The following RGS16 variants were observed in gnomAD, a reference collection of about 807,000 sequenced individuals.
The protein encoded by RGS16 is regulator of G protein signaling 16.
In RGS16, 12 loss-of-function variants were observed where a neutral mutation model predicts 18.1. The observed-to-expected ratio is 0.66, with a 90% CI of 0.42 to 1.07. RGS16 has a LOEUF of 1.07. Among genes scored for constraint, RGS16 ranks in the 50% least tolerant of loss-of-function variants. The pLI, the probability that RGS16 is intolerant of heterozygous loss-of-function variation, is 0.00. For missense variants in RGS16, 238 were observed against 249.2 expected (o/e 0.95, Z 0.30); for synonymous variants, 88 against 102.0 (o/e 0.86, Z 0.83).
chr1:182,601,787 C>T, intron 4 of RGS16, 179 bp downstream of exon 4: 2 of 710,814 alleles, frequency 2.8e-6, no homozygotes, highest in South Asian at 3.5e-5. Context: ...GGTTAAGCAC[C>T]CAGGAGTGGC....
chr1:182,601,816 A>T, intron 4 of RGS16, 150 bp downstream of exon 4: 1 of 903,152 alleles, frequency 1.1e-6, no homozygotes, highest in Non-Finnish European at 1.7e-6. Context: ...TGGCTTTCCT[A>T]GTCTCTGGTC....
chr1:182,600,613 G>C, intron 4 of RGS16, 100 bp from the exon 5 acceptor site: 1 of 934,730 alleles, frequency 1.1e-6, no homozygotes, highest in Non-Finnish European at 1.7e-6. Flanking sequence ...AGCATCGGAT[G>C]CTGCATCAGG....
At position 182,599,443 on chromosome 1, in the gene RGS16, C is replaced by T. The variant is rs973062085; in HGVS notation, c.*849G>A. On this transcript the variant is annotated 3_prime_UTR_variant, in exon 5 of 5. Coordinates refer to ENST00000367558, the MANE Select transcript of RGS16 (RefSeq NM_002928.4). ...GCCTCCACACTTTGTTCTCCTGGGC[C>T]CTGCCTCCAAGAGACAGCACAGAAC... The T allele has an allele frequency of 1.3e-5, 2 of 152,422 alleles. No homozygotes were observed. The highest frequency in any genetic ancestry group is 2.4e-5 in the African/African-American group (1 of 41,442). The allele number at this position is 152,422 out of a possible 1,614,324, so 9.4% of individuals were successfully genotyped here.
rs750841078 is a variant in RGS16, at chr1:182,598,930, G to C, written c.*1362C>G. On this transcript the variant is annotated 3_prime_UTR_variant, in exon 5 of 5. Coordinates refer to ENST00000367558, the MANE Select transcript of RGS16 (RefSeq NM_002928.4). ...CAAAAACAATGTTATGACAATCACAGAAAACCAATGATACAATACACTTAA... is the reference window on the plus strand; with the variant it reads ...CAAAAACAATGTTATGACAATCACACAAAACCAATGATACAATACACTTAA... 2.6e-5 allele frequency: 4 copies of C among 152,592 alleles called. No individual in the cohort carries two copies. Among genetic ancestry groups the C allele is most frequent in the African/African-American group, 9.6e-5 (4 of 41,454 alleles). The allele number at this position is 152,592 out of a possible 1,614,324, so 9.5% of individuals were successfully genotyped here.
chr1:182,602,249 C>T, intron 3 of RGS16, 117 bp from the exon 4 acceptor site: 1 of 1,238,584 alleles, frequency 8.1e-7, no homozygotes, highest in Non-Finnish European at 1.2e-6. Context: ...TTTTCTTGAA[C>T]AATGACCTGC....
At position 182,599,160 on chromosome 1, in the gene RGS16, C is replaced by G. The variant is rs1045385165; in HGVS notation, c.*1132G>C. On this transcript the variant is annotated 3_prime_UTR_variant, in exon 5 of 5. Transcript: ENST00000367558. ...TGCCCTTCGAAGCAGCCTCTCCCCC[C>G]AGCTTCTGCACTCTAAGGGTGCCAT... 1.3e-5 allele frequency: 2 copies of G among 152,448 alleles called. No homozygotes were observed. The highest frequency in any genetic ancestry group is 2.4e-5 in the African/African-American group (1 of 41,458). 9.4% of individuals were successfully genotyped at this position (152,448 alleles called of 1,614,324 possible).
intron 4 of RGS16, among the ~76,000 whole-genome samples, chr1:182,600,928 C>T (rs1215314538): frequency 6.6e-6 from 1 of 152,196 alleles, no homozygotes; most frequent in Non-Finnish European, 1.5e-5. Flanking sequence ...TTGGTAGCTC[C>T]TCTGTTGTCT....
Position 182,602,307 on chromosome 1 carries a change from AT to A in RGS16, c.220+112del. On this transcript the variant is annotated intron_variant, in intron 3 of 4. Transcript: ENST00000367558. ...GGCACACTAGGGGATCATTATTATT[AT>A]TATTACTACTACTATTATTCTGCCC... The A allele has an allele frequency of 6.5e-6, 7 of 1,075,690 alleles. No individual in the cohort carries two copies. The South Asian group carries it at 9.6e-5, about 15-fold the overall frequency. The allele number at this position is 1,075,690 out of a possible 1,614,324, so 66.6% of individuals were successfully genotyped here. A position where few individuals can be genotyped will look rare whatever the true frequency, so the allele number is the denominator to read the frequency against.
intron 4 of RGS16, among the ~76,000 whole-genome samples, chr1:182,601,618 G>A (rs1433100309): frequency 6.6e-6 from 1 of 152,238 alleles, no homozygotes; most frequent in African/African-American, 2.4e-5. Context: ...AGGCAGGTCA[G>A]CCTGGGGACT....
Position 182,603,353 on chromosome 1 carries a change from C to T in RGS16, c.45-14G>A. Reference sequence around the variant, plus strand: ...AACTCTTTGGCTCTGAAAAACAAATCAGGAACATGAAAGCATTCTCTCATT... The same window carrying T: ...AACTCTTTGGCTCTGAAAAACAAATTAGGAACATGAAAGCATTCTCTCATT... On this transcript the variant is annotated splice_polypyrimidine_tract_variant and intron_variant, in intron 1 of 4. Transcript: ENST00000367558. 3 of 1,600,658 alleles carry T rather than the reference C, an allele frequency of 1.9e-6. No individual in the cohort carries two copies. The highest frequency in any genetic ancestry group is 2.6e-6 in the Non-Finnish European group (3 of 1,167,750).
chr1:182,602,515 G>GA (rs761364788), intron 2 of RGS16, 31 bp from the exon 3 acceptor site: 20 of 1,581,580 alleles, frequency 1.3e-5, no homozygotes, highest in African/African-American at 2.7e-5. Context: ...AAAAGAGTAA[G>GA]AAAAAAAATC....
intron 1 of RGS16, among the ~76,000 whole-genome samples, chr1:182,603,669 A>C (rs1661903521): frequency 6.6e-6 from 1 of 152,170 alleles, no homozygotes; most frequent in South Asian, 2.1e-4. Context: ...TCTTTTCAGA[A>C]GTATTTCTGA....
At chr1:182,601,808 G>A (rs1661866792) in intron 4 of RGS16, 158 bp downstream of exon 4, 4 of 844,446 alleles carry the variant, frequency 4.7e-6, no homozygotes, top group South Asian at 3.2e-5. Flanking sequence ...ACTGGGCCTG[G>A]CTTTCCTAGT....
Position 182,601,949 on chromosome 1 carries a change from C to T in RGS16, c.387+17G>A, listed in dbSNP as rs1485339152. The T allele has an allele frequency of 1.2e-6, 2 of 1,613,854 alleles. No homozygotes were observed. The highest frequency in any genetic ancestry group is 1.7e-6 in the Non-Finnish European group (2 of 1,179,926). On this transcript the variant is annotated intron_variant, in intron 4 of 4. Coordinates refer to ENST00000367558, the MANE Select transcript of RGS16 (RefSeq NM_002928.4). ...GGCAGGGTCGTGAGGATTCACTGGG[C>T]ATATGGGGGCTCTAACCTCTTTAGG... is the stretch of plus-strand genomic sequence containing the variant.
Position 182,603,262 on chromosome 1 carries a change from T to A in RGS16, c.122A>T (p.Lys41Met). The A allele has an allele frequency of 6.2e-6, 10 of 1,614,120 alleles. No homozygotes were observed. Among genetic ancestry groups the A allele is most frequent in the Non-Finnish European group, 7.6e-6 (9 of 1,179,946 alleles). The change falls in exon 2 of 5, where the codon AAG (lysine) becomes ATG (methionine). Residue 41 changes from lysine (K) to methionine (M), a missense_variant. Lys to Met is a moderately conservative substitution (Grantham distance 95). Transcript: ENST00000367558. ...GCTGTGTTTACTGCCCCACTCGAAC[T>A]TGCCAGTACTCCCAGTATCGCAGCC... ...ELGCDTGSTG[K>M]FEWGSKHSKE...
chr1:182,604,123 C>G (rs1661912554), intron 1 of RGS16, 93 bp downstream of exon 1: 13 of 1,331,418 alleles, frequency 9.8e-6, no homozygotes, highest in Non-Finnish European at 1.3e-5. Context: ...TCTAGCGCCC[C>G]ATCCCCGCGC....
chr1:182,601,075 C>T (rs745759724), intron 4 of RGS16, among the ~76,000 whole-genome samples: 1 of 152,222 alleles, frequency 6.6e-6, no homozygotes, highest in Non-Finnish European at 1.5e-5. Flanking sequence ...TTTGCTCATC[C>T]GTGACTGTGA....
At chr1:182,603,043 C>T (rs1160829203) in intron 2 of RGS16, among the ~76,000 whole-genome samples, 186 bp downstream of exon 2, 1 of 152,182 alleles carries the variant, frequency 6.6e-6, no homozygotes, top group Non-Finnish European at 1.5e-5. Context: ...AGCCCTGGAG[C>T]CACCTACCCA....
Position 182,600,156 on chromosome 1 carries a change from ATTTTTTTTTTTTTT to A in RGS16, c.*122_*135del. The A allele has an allele frequency of 6.1e-6, 2 of 329,814 alleles. No homozygotes were observed. The highest frequency in any genetic ancestry group is 2.4e-5 in the South Asian group (1 of 42,144). 20.4% of individuals were successfully genotyped at this position (329,814 alleles called of 1,614,324 possible). ...CTTCCCAAACAGGCTGCTGGAGCGC[ATTTTTTTTTTTTTT>A]TTTTTTTTTTTTGTCCTCTTGCACT... On this transcript the variant is annotated 3_prime_UTR_variant, in exon 5 of 5. Transcript: ENST00000367558.
Sources: gnomAD v4.1 joint callset for allele counts (sites outside exome capture counted in the v4.1 genomes callset) on GRCh38, gnomAD v4.1.1 for gene constraint, MANE v1.5 for transcripts, NCBI Gene and HGNC (gene_info 2026-07-23, HGNC 2026-07-21) for gene names.